The following DPP10 variants were observed in gnomAD, a reference collection of about 807,000 sequenced individuals.
DPP10 encodes the protein dipeptidyl peptidase like 10.
Under a neutral mutation model 120.9 loss-of-function variants are expected in DPP10, and 33 were observed. That is an observed-to-expected ratio of 0.27 (90% CI 0.21 to 0.37). The LOEUF (loss-of-function observed/expected upper bound fraction) is 0.37. DPP10 is among the 10% of genes least tolerant of loss of function. The pLI, the probability that DPP10 is intolerant of heterozygous loss-of-function variation, is 1.00. For synonymous variants in DPP10, 337 were observed against 326.1 expected (o/e 1.03, Z -0.36); for missense variants, 816 against 942.8 (o/e 0.87, Z 1.76).
intron 1 of DPP10, among the ~76,000 whole-genome samples, chr2:114,519,943 A>T (rs1250488963): frequency 6.6e-6 from 1 of 152,058 alleles, no homozygotes; most frequent in Admixed American, 6.6e-5. Context: ...GGGTTGTTAT[A>T]AAGATACTCA....
At chr2:115,690,941 T>C (rs1355941770) in intron 7 of DPP10, among the ~76,000 whole-genome samples, 2 of 152,170 alleles carry the variant, frequency 1.3e-5, no homozygotes, top group Non-Finnish European at 2.9e-5. Flanking sequence ...TCCAGACTTT[T>C]AAATAATTAC....
chr2:115,044,167 TA>T (rs1282014279), intron 1 of DPP10, among the ~76,000 whole-genome samples: 1 of 152,098 alleles, frequency 6.6e-6, no homozygotes, highest in Non-Finnish European at 1.5e-5. Flanking sequence ...GAGTAATTTA[TA>T]AATAAAAGAG....
chr2:114,902,354 A>G (rs1048611917), intron 1 of DPP10, among the ~76,000 whole-genome samples: 1 of 152,168 alleles, frequency 6.6e-6, no homozygotes, highest in Admixed American at 6.5e-5. Flanking sequence ...CTGTGCTTCA[A>G]TGCTACCTGT....
intron 1 of DPP10, among the ~76,000 whole-genome samples, chr2:114,965,951 C>T (rs137958096): frequency 1.1e-4 from 11 of 103,408 alleles, no homozygotes; most frequent in African/African-American, 4.3e-4. Flanking sequence ...GGGCGCAGAG[C>T]GAGACTCCTT....
In DPP10 at chr2:114,965,240, G is replaced by A. The variant is rs149794205; in HGVS notation, c.61-343999G>A. 3.2e-3 allele frequency among the ~76,000 whole-genome samples: 481 copies of A among 152,146 alleles called. 1 individual carries two copies. The highest frequency in any genetic ancestry group is 0.011 in the African/African-American group (470 of 41,528). On this transcript the variant is annotated intron_variant, in intron 1 of 25. Coordinates refer to ENST00000410059, the MANE Select transcript of DPP10 (RefSeq NM_020868.6). ...CAACCTCTGCCTCCCGGGTTCAAGT[G>A]ATTCTCCTGCCTCCGCCTCCTGAGT...
At chr2:115,327,673 C>A (rs1007268406) in intron 2 of DPP10, among the ~76,000 whole-genome samples, 1 of 152,040 alleles carries the variant, frequency 6.6e-6, no homozygotes, top group Non-Finnish European at 1.5e-5. Flanking sequence ...ACTCAAGCAA[C>A]TGACCATATG....
chr2:115,499,915 C>T (rs550943811), intron 4 of DPP10, among the ~76,000 whole-genome samples: 1 of 152,092 alleles, frequency 6.6e-6, no homozygotes, highest in South Asian at 2.1e-4. Flanking sequence ...AGGTTAAAAA[C>T]AATGGCTCAT....
intron 1 of DPP10, among the ~76,000 whole-genome samples, chr2:115,289,738 T>G (rs2060577472): frequency 6.6e-6 from 1 of 151,930 alleles, no homozygotes; most frequent in Non-Finnish European, 1.5e-5. Flanking sequence ...GACAAAAATA[T>G]CCACTGGGGA....
chr2:115,479,823 A>G (rs1244980822), intron 3 of DPP10, among the ~76,000 whole-genome samples: 2 of 152,074 alleles, frequency 1.3e-5, no homozygotes, highest in African/African-American at 2.4e-5. Context: ...CTCCACTTTT[A>G]GCCATATGCT....
chr2:115,189,387 A>G (rs1486255730), intron 1 of DPP10, among the ~76,000 whole-genome samples: 1 of 152,188 alleles, frequency 6.6e-6, no homozygotes, highest in Admixed American at 6.5e-5. Flanking sequence ...GGGGTGACTC[A>G]GGTCAAAGCA....
chr2:115,345,226 T>A (rs1438569683), intron 3 of DPP10, among the ~76,000 whole-genome samples: 1 of 152,212 alleles, frequency 6.6e-6, no homozygotes, highest in Non-Finnish European at 1.5e-5. Flanking sequence ...CAAGGTAGCG[T>A]TTTTCTTAAT....
intron 4 of DPP10, among the ~76,000 whole-genome samples, chr2:115,503,100 A>G (rs1374972268): frequency 6.6e-6 from 1 of 152,150 alleles, no homozygotes. Flanking sequence ...CTATTTAAAT[A>G]CATTCTACTA....
intron 1 of DPP10, among the ~76,000 whole-genome samples, chr2:114,527,915 G>A (rs796418564): frequency 7.2e-5 from 11 of 152,282 alleles, no homozygotes; most frequent in African/African-American, 2.6e-4. Context: ...AAAACATTGT[G>A]TTATAATCTT....
intron 12 of DPP10, 84 bp downstream of exon 12, chr2:115,762,694 G>A (rs979691529): frequency 2.1e-5 from 32 of 1,514,886 alleles, no homozygotes; most frequent in Admixed American, 1.4e-4. Context: ...TCTGTAAAAA[G>A]TATGAGTTTA....
At chr2:114,858,773 T>G (rs1367655951) in intron 1 of DPP10, among the ~76,000 whole-genome samples, 1 of 152,194 alleles carries the variant, frequency 6.6e-6, no homozygotes, top group Non-Finnish European at 1.5e-5. Context: ...ACTATTCTTA[T>G]TTATTTCTCA....
At chr2:114,624,099 T>C (rs1694307581) in intron 1 of DPP10, among the ~76,000 whole-genome samples, 1 of 152,008 alleles carries the variant, frequency 6.6e-6, no homozygotes, top group Non-Finnish European at 1.5e-5. Context: ...TGTGAATAGG[T>C]ATATTCACAA....
At chr2:114,791,429 G>A (rs1683233392) in intron 1 of DPP10, among the ~76,000 whole-genome samples, 1 of 152,198 alleles carries the variant, frequency 6.6e-6, no homozygotes, top group Admixed American at 6.5e-5. Flanking sequence ...CTAGAAATCT[G>A]CCTGTCTCAC....
At chr2:114,868,873 C>T (rs906611332) in intron 1 of DPP10, among the ~76,000 whole-genome samples, 2 of 152,252 alleles carry the variant, frequency 1.3e-5, no homozygotes, top group Admixed American at 6.5e-5. Flanking sequence ...GGCTCTGCCA[C>T]GTCTTAACTG....
At chr2:115,837,471 T>A (rs1389394507) in intron 24 of DPP10, among the ~76,000 whole-genome samples, 1 of 152,212 alleles carries the variant, frequency 6.6e-6, no homozygotes, top group Non-Finnish European at 1.5e-5. Flanking sequence ...TCCAAGGCCA[T>A]CTGGCAAGTG....
Sources: gnomAD v4.1 joint callset for allele counts (sites outside exome capture counted in the v4.1 genomes callset) on GRCh38, gnomAD v4.1.1 for gene constraint, MANE v1.5 for transcripts, NCBI Gene and HGNC (gene_info 2026-07-23, HGNC 2026-07-21) for gene names.